The following SEC31A variants were observed in gnomAD, a reference collection of about 807,000 sequenced individuals.
SEC31A encodes protein transport protein Sec31A.
Under a neutral mutation model 151.0 loss-of-function variants are expected in SEC31A, and 70 were observed. The observed-to-expected ratio is 0.46, with a 90% CI of 0.38 to 0.57. The LOEUF is 0.57. SEC31A is among the 20% of genes least tolerant of loss of function. SEC31A has a pLI of 0.00. For missense variants in SEC31A, 1,330 were observed against 1,471.2 expected, an observed-to-expected ratio of 0.90 and a Z score of 1.57; for synonymous variants, 475 against 505.9, an observed-to-expected ratio of 0.94 and a Z score of 0.82.
At chr4:82,871,526 A>G in intron 7 of SEC31A, 1 of 868,748 alleles carries the variant, frequency 1.2e-6, no homozygotes, top group Non-Finnish European at 1.8e-6. Flanking sequence ...CTGTATTCCC[A>G]GCACTTTGGG....
At chr4:82,853,491 CTTATAGA>C (rs1348379931) in intron 18 of SEC31A, 72 bp downstream of exon 18, 7 of 1,220,694 alleles carry the variant, frequency 5.7e-6, no homozygotes, top group Non-Finnish European at 7.8e-6. Flanking sequence ...AAAAAATGAA[CTTATAGA>C]TTATAACTTG....
At chr4:82,854,815 G>C in intron 17 of SEC31A, 88 bp downstream of exon 17, 1 of 1,301,358 alleles carries the variant, frequency 7.7e-7, no homozygotes, top group Non-Finnish European at 1.0e-6. Flanking sequence ...ATTTTAAAAA[G>C]TTTCTAATAA....
upstream of SEC31A, among the ~76,000 whole-genome samples, chr4:82,892,724 A>T (rs963673789): frequency 8.5e-5 from 12 of 141,966 alleles, no homozygotes; most frequent in African/African-American, 3.3e-4. Flanking sequence ...ATCATGATGC[A>T]CATCTTTTTT....
chr4:82,861,905 CTTTTTT>C (rs33968103), intron 13 of SEC31A, 197 bp from the exon 14 acceptor site: 63 of 89,684 alleles, frequency 7.0e-4, no homozygotes, highest in Middle Eastern at 7.7e-3. Flanking sequence ...CTTTCCCATT[CTTTTTT>C]TTTTTTTTTT....
chr4:82,882,089 T>C, intron 1 of SEC31A, 149 bp from the exon 2 acceptor site: 1 of 672,176 alleles, frequency 1.5e-6, no homozygotes, highest in Non-Finnish European at 2.6e-6. Context: ...TTAGGTGTCA[T>C]TTGTTGGATA....
Position 82,871,003 on chromosome 4 carries a change from C to T in SEC31A, c.783-579G>A, listed in dbSNP as rs558349840. 1.1e-3 allele frequency among the ~76,000 whole-genome samples: 163 copies of T among 152,120 alleles called. 1 individual carries two copies. The highest frequency in any genetic ancestry group is 3.5e-3 in the African/African-American group (145 of 41,504). On this transcript the variant is annotated intron_variant, in intron 7 of 26. Transcript: ENST00000395310. ...TTCAAGACCAACCTGGGCAATATAA[C>T]GACACTCTGTCTCTACCAAAAAATT... is the stretch of plus-strand genomic sequence containing the variant.
intron 14 of SEC31A, chr4:82,858,133 C>G (rs1359750861): frequency 5.8e-6 from 1 of 173,142 alleles, no homozygotes; most frequent in East Asian, 1.8e-4. Flanking sequence ...ACAAAACTAG[C>G]CGGGCATGGT....
At chr4:82,899,287 C>T (rs1300143849) in intron 3 of SEC31A, among the ~76,000 whole-genome samples, 3 of 152,206 alleles carry the variant, frequency 2.0e-5, no homozygotes, top group African/African-American at 7.2e-5. Context: ...GACTGTTCCA[C>T]AATTCTGTGC....
intron 22 of SEC31A, among the ~76,000 whole-genome samples, chr4:82,830,359 C>T (rs1725655647): frequency 6.6e-6 from 1 of 152,144 alleles, no homozygotes; most frequent in Non-Finnish European, 1.5e-5. Context: ...TACCCAGGAG[C>T]TGAGGCAGGA....
intron 2 of SEC31A, among the ~76,000 whole-genome samples, 154 bp from the exon 3 acceptor site, chr4:82,881,076 G>C (rs777960639): frequency 8.5e-5 from 13 of 152,206 alleles, no homozygotes; most frequent in Non-Finnish European, 1.9e-4. Context: ...ATAGCAATGA[G>C]ATTCTGGCAC....
intron 20 of SEC31A, among the ~76,000 whole-genome samples, chr4:82,845,532 A>G (rs1729885000): frequency 6.6e-6 from 1 of 152,176 alleles, no homozygotes; most frequent in Non-Finnish European, 1.5e-5. Context: ...GGCAGGAGAA[A>G]AATCAATATG....
At chr4:82,824,121 T>C (rs1724021749) in intron 25 of SEC31A, among the ~76,000 whole-genome samples, 1 of 152,244 alleles carries the variant, frequency 6.6e-6, no homozygotes, top group Non-Finnish European at 1.5e-5. Context: ...CTAGCTTTAT[T>C]ACTTTTGTAC....
At chr4:82,864,877 G>C (rs974494004) in intron 10 of SEC31A, among the ~76,000 whole-genome samples, 2 of 151,742 alleles carry the variant, frequency 1.3e-5, no homozygotes, top group Non-Finnish European at 2.9e-5. Context: ...CTGGGTTCAC[G>C]TGATTCTCCT....
At chr4:82,853,192 C>T (rs7683826) in intron 18 of SEC31A, among the ~76,000 whole-genome samples, 97,314 of 152,076 alleles carry the variant, frequency 0.64, 34,855 homozygotes, top group Non-Finnish European at 0.79. Context: ...AGATTCTCTA[C>T]TGGCATTGGG....
chr4:82,876,781 A>G (rs1738065212), intron 4 of SEC31A, among the ~76,000 whole-genome samples: 1 of 152,242 alleles, frequency 6.6e-6, no homozygotes, highest in East Asian at 1.9e-4. Flanking sequence ...TTCATCCACT[A>G]CTATTTACTC....
chr4:82,885,939 G>A (rs577954141), intron 1 of SEC31A, among the ~76,000 whole-genome samples: 2 of 152,100 alleles, frequency 1.3e-5, no homozygotes, highest in Admixed American at 6.5e-5. Flanking sequence ...CATATGCTCC[G>A]AGTCTTGTAC....
intron 14 of SEC31A, among the ~76,000 whole-genome samples, chr4:82,858,768 T>G (rs1451688468): frequency 6.6e-6 from 1 of 151,496 alleles, no homozygotes. Context: ...AGTGGCGCAC[T>G]CTCGGCTCAC....
intron 1 of SEC31A, among the ~76,000 whole-genome samples, chr4:82,889,539 C>G (rs1741759566): frequency 8.4e-6 from 1 of 119,388 alleles, no homozygotes; most frequent in African/African-American, 3.1e-5. Context: ...AAAGAGGGAC[C>G]CTGTCTCAAA....
chr4:82,864,221 A>G, intron 11 of SEC31A, 141 bp downstream of exon 11: 1 of 652,478 alleles, frequency 1.5e-6, no homozygotes, highest in South Asian at 2.0e-5. Context: ...TATGCTCTTT[A>G]TAAGGCTTCT....
Sources: allele counts gnomAD v4.1 joint callset (sites outside exome capture counted in the v4.1 genomes callset), GRCh38; gene constraint gnomAD v4.1.1; transcripts MANE v1.5; gene names NCBI Gene and HGNC (gene_info 2026-07-23, HGNC 2026-07-21).